Variants in DTNBP1 observed in about 807,000 individuals in gnomAD.
DTNBP1 encodes dysbindin.
Under a neutral mutation model 42.8 loss-of-function variants are expected in DTNBP1, and 35 were observed. The observed-to-expected ratio is 0.82, with a 90% CI of 0.63 to 1.09. DTNBP1 has a LOEUF of 1.09. DTNBP1 is among the 50% of genes least tolerant of loss of function. The probability of loss-of-function intolerance (pLI) is 0.00; values close to 1 mark genes in which losing one functional copy is unlikely to be tolerated. For missense variants in DTNBP1, 457 were observed against 424.2 expected (o/e 1.08, Z -0.68); for synonymous variants, 171 against 162.2 (o/e 1.05, Z -0.41).
At chr6:15,564,251 CA>C (rs1252970113) in intron 7 of DTNBP1, among the ~76,000 whole-genome samples, 2 of 151,672 alleles carry the variant, frequency 1.3e-5, no homozygotes, top group Non-Finnish European at 2.9e-5. Context: ...TTTTGCCCTT[CA>C]AAATATATTA....
chr6:15,600,272 A>G (rs1420706316), intron 6 of DTNBP1, among the ~76,000 whole-genome samples: 4 of 152,132 alleles, frequency 2.6e-5, no homozygotes, highest in Non-Finnish European at 4.4e-5. Context: ...AGTCAGGAAA[A>G]CATTGGTTCT....
At chr6:15,660,474 G>A (rs1581448119) in intron 1 of DTNBP1, 1 of 1,289,770 alleles carries the variant, frequency 7.8e-7, no homozygotes, top group African/African-American at 1.5e-5. Flanking sequence ...CAGGTGACAG[G>A]CTAATGGCAC....
At chr6:15,632,697 T>G (rs188963489) in intron 4 of DTNBP1, among the ~76,000 whole-genome samples, 1 of 152,372 alleles carries the variant, frequency 6.6e-6, no homozygotes, top group Admixed American at 6.5e-5. Context: ...AATAGGTATT[T>G]AATTTTATGA....
intron 6 of DTNBP1, among the ~76,000 whole-genome samples, chr6:15,607,009 A>ATTTT: frequency 7.3e-6 from 1 of 136,982 alleles, no homozygotes; most frequent in South Asian, 2.3e-4. Context: ...GTCAAAAAAA[A>ATTTT]ATTTTTTTTT....
chr6:15,572,968 G>A (rs936171616), intron 7 of DTNBP1, among the ~76,000 whole-genome samples: 1 of 152,176 alleles, frequency 6.6e-6, no homozygotes, highest in African/African-American at 2.4e-5. Context: ...CTAGGCTCAG[G>A]CGATCCTCCA....
chr6:15,590,756 T>C (rs1042900073), intron 7 of DTNBP1, among the ~76,000 whole-genome samples: 1 of 152,180 alleles, frequency 6.6e-6, no homozygotes, highest in African/African-American at 2.4e-5. Flanking sequence ...AGATTGGCCA[T>C]ATGCACCAGA....
intron 7 of DTNBP1, among the ~76,000 whole-genome samples, chr6:15,583,187 AC>A (rs952164150): frequency 6.6e-6 from 1 of 151,944 alleles, no homozygotes; most frequent in African/African-American, 2.4e-5. Context: ...TCATTATGTT[AC>A]CCTGGGCTGG....
In DTNBP1 at chr6:15,537,018, T is replaced by A. The variant is rs188388616; in HGVS notation, c.512-3623A>T. ...CTCCCATTTGGAATGGGAACATTGA[T>A]CCAATGCCTGTACACCCATTGTATC... On this transcript the variant is annotated intron_variant, in intron 7 of 9. Coordinates refer to ENST00000344537, the MANE Select transcript of DTNBP1 (RefSeq NM_032122.5). Among the ~76,000 whole-genome samples the A allele has an allele frequency of 1.6e-3, 243 of 152,358 alleles. 3 individuals are homozygous for A. The highest frequency in any genetic ancestry group is 5.5e-3 in the African/African-American group (227 of 41,592).
At chr6:15,630,733 T>C (rs1189727104) in intron 4 of DTNBP1, among the ~76,000 whole-genome samples, 1 of 152,016 alleles carries the variant, frequency 6.6e-6, no homozygotes, top group East Asian at 1.9e-4. Context: ...CTGGCCAACA[T>C]GGTGAAACTC....
At chr6:15,622,924 A>T (rs1424884704) in intron 5 of DTNBP1, among the ~76,000 whole-genome samples, 5 of 152,240 alleles carry the variant, frequency 3.3e-5, no homozygotes, top group African/African-American at 1.2e-4. Flanking sequence ...ATTTTCTAAC[A>T]AAATAATTAG....
At chr6:15,642,626 A>G (rs1316971572) in intron 3 of DTNBP1, among the ~76,000 whole-genome samples, 1 of 152,218 alleles carries the variant, frequency 6.6e-6, no homozygotes, top group Admixed American at 6.5e-5. Flanking sequence ...CACAGGAGAC[A>G]AGGTGTTAGG....
chr6:15,620,373 T>C (rs1428360337), intron 5 of DTNBP1, among the ~76,000 whole-genome samples: 2 of 152,152 alleles, frequency 1.3e-5, no homozygotes, highest in Non-Finnish European at 2.9e-5. Context: ...TATTTTTTTG[T>C]AGAGACGAGA....
At chr6:15,591,501 T>A (rs1776297458) in intron 7 of DTNBP1, among the ~76,000 whole-genome samples, 1 of 152,188 alleles carries the variant, frequency 6.6e-6, no homozygotes. Flanking sequence ...CAACATTCAA[T>A]TTAGGGTTTG....
intron 7 of DTNBP1, among the ~76,000 whole-genome samples, chr6:15,536,673 T>TA (rs777333634): frequency 5.5e-4 from 83 of 152,254 alleles, no homozygotes; most frequent in Non-Finnish European, 1.0e-3. Flanking sequence ...GTGCAAATGG[T>TA]AAATGTGGGG....
At chr6:15,550,462 T>A (rs1774150360) in intron 7 of DTNBP1, among the ~76,000 whole-genome samples, 1 of 152,218 alleles carries the variant, frequency 6.6e-6, no homozygotes, top group African/African-American at 2.4e-5. Flanking sequence ...AAAATATTTA[T>A]CCAAAGCTCA....
chr6:15,523,339 C>T, intron 9 of DTNBP1, 120 bp from the exon 10 acceptor site: 1 of 1,416,550 alleles, frequency 7.1e-7, no homozygotes, highest in Non-Finnish European at 9.7e-7. Context: ...GTTCCAGGCA[C>T]CTGGGGCCTG....
intron 8 of DTNBP1, among the ~76,000 whole-genome samples, chr6:15,526,454 A>G (rs1459061744): frequency 2.0e-5 from 3 of 152,224 alleles, no homozygotes; most frequent in African/African-American, 4.8e-5. Flanking sequence ...GAAAATCACT[A>G]AAGTTCAGCA....
rs142592685 is a variant in DTNBP1 at position 15,532,366 on chromosome 6, G to T, written c.667+874C>A. On this transcript the variant is annotated intron_variant, in intron 8 of 9. Coordinates refer to ENST00000344537, the MANE Select transcript of DTNBP1 (RefSeq NM_032122.5). Reference sequence around the variant, plus strand: ...TTACAGCACTATTTACTGAGGGAAAGATTTTAAATGTTCAGCTAGGAAAAC... The same window carrying T: ...TTACAGCACTATTTACTGAGGGAAATATTTTAAATGTTCAGCTAGGAAAAC... Among the ~76,000 whole-genome samples the T allele has an allele frequency of 1.2e-4, 18 of 152,338 alleles. 1 individual carries two copies. In the South Asian group the frequency reaches 1.2e-3, roughly 11 times the overall value.
rs558625009 is a variant in DTNBP1 at position 15,602,358 on chromosome 6, G to A, written c.489-9277C>T. ...TTCACCATGGTTCTTGCTTACCACC[G>A]ATGTCAGAGCAGGTATGGCAGGCTG... On this transcript the variant is annotated intron_variant, in intron 6 of 9. Transcript: ENST00000344537. Among the ~76,000 whole-genome samples, 7 of 152,238 alleles carry A rather than the reference G, an allele frequency of 4.6e-5. No homozygotes were observed. In the East Asian group the frequency reaches 7.7e-4, roughly 17 times the overall value.
Sources: gnomAD v4.1 joint callset for allele counts (sites outside exome capture counted in the v4.1 genomes callset) on GRCh38, gnomAD v4.1.1 for gene constraint, MANE v1.5 for transcripts, NCBI Gene and HGNC (gene_info 2026-07-23, HGNC 2026-07-21) for gene names.